The following CCDC13 variants were observed in gnomAD, a reference collection of about 807,000 sequenced individuals.
The protein encoded by CCDC13 is coiled-coil domain containing 13.
In CCDC13, 70 loss-of-function variants were observed where a neutral mutation model predicts 87.3. The observed-to-expected ratio is 0.80, with a 90% CI of 0.66 to 0.98. The LOEUF (loss-of-function observed/expected upper bound fraction) is 0.98. CCDC13 is among the 50% of genes least tolerant of loss of function. The pLI, the probability that CCDC13 is intolerant of heterozygous loss-of-function variation, is 0.00. For missense variants in CCDC13, 842 were observed against 892.0 expected (o/e 0.94, Z 0.71); for synonymous variants, 317 against 360.3 (o/e 0.88, Z 1.36).
intron 13 of CCDC13, among the ~76,000 whole-genome samples, chr3:42,720,711 G>C (rs1237705725): frequency 6.6e-6 from 1 of 152,184 alleles, no homozygotes; most frequent in Non-Finnish European, 1.5e-5. Context: ...GCAAGGGGTG[G>C]AAGGTTTGTG....
At chr3:42,770,049 C>G (rs529335384) in intron 1 of CCDC13, among the ~76,000 whole-genome samples, 1 of 152,254 alleles carries the variant, frequency 6.6e-6, no homozygotes, top group African/African-American at 2.4e-5. Flanking sequence ...CTGAGGAGTG[C>G]GGGCACACAG....
At chr3:42,727,537 A>G (rs1698718634) in intron 13 of CCDC13, among the ~76,000 whole-genome samples, 1 of 152,208 alleles carries the variant, frequency 6.6e-6, no homozygotes, top group African/African-American at 2.4e-5. Flanking sequence ...GTGAGTGAAG[A>G]CATTTTCAAA....
chr3:42,732,718 A>G, intron 12 of CCDC13, 169 bp downstream of exon 12: 1 of 613,478 alleles, frequency 1.6e-6, no homozygotes, highest in Non-Finnish European at 2.9e-6. Flanking sequence ...TGCTTACTCT[A>G]TCATCTTGGA....
At chr3:42,724,914 A>G (rs1208370991) in intron 13 of CCDC13, among the ~76,000 whole-genome samples, 1 of 152,248 alleles carries the variant, frequency 6.6e-6, no homozygotes, top group Non-Finnish European at 1.5e-5. Flanking sequence ...CTTCATGAAG[A>G]CAAACATACA....
chr3:42,753,275 A>G (rs1699629749), intron 3 of CCDC13, among the ~76,000 whole-genome samples: 1 of 152,248 alleles, frequency 6.6e-6, no homozygotes, highest in Admixed American at 6.5e-5. Flanking sequence ...GACATGTTGA[A>G]CAAAGTGGAA....
At chr3:42,722,761 C>T (rs1240937979) in intron 13 of CCDC13, among the ~76,000 whole-genome samples, 1 of 150,852 alleles carries the variant, frequency 6.6e-6, no homozygotes, top group Non-Finnish European at 1.5e-5. Flanking sequence ...ACTGCTGTGC[C>T]TGTGGAGTAG....
intron 15 of CCDC13, 131 bp from the exon 16 acceptor site, chr3:42,709,270 C>T (rs1005655840): frequency 2.3e-6 from 2 of 873,232 alleles, no homozygotes; most frequent in African/African-American, 3.4e-5. Context: ...GACCCATCCC[C>T]TCCTCTCACT....
chr3:42,748,935 T>C (rs1420876120), intron 5 of CCDC13, among the ~76,000 whole-genome samples: 1 of 152,082 alleles, frequency 6.6e-6, no homozygotes, highest in Non-Finnish European at 1.5e-5. Context: ...TTTGTATATT[T>C]TTTAGTAGAG....
chr3:42,756,323 T>C (rs1308477999), intron 3 of CCDC13, among the ~76,000 whole-genome samples: 1 of 152,160 alleles, frequency 6.6e-6, no homozygotes, highest in Non-Finnish European at 1.5e-5. Context: ...GTCAAACTCA[T>C]AACCACAGAG....
chr3:42,745,154 G>A (rs561313255), intron 7 of CCDC13: 1 of 152,322 alleles, frequency 6.6e-6, no homozygotes, highest in African/African-American at 2.4e-5. Context: ...AAGTCCCTGG[G>A]AACAAGGGTG....
chr3:42,736,278 C>T (rs150903888), intron 9 of CCDC13, among the ~76,000 whole-genome samples: 3,498 of 152,272 alleles, frequency 0.023, 75 homozygotes, highest in South Asian at 0.086. Flanking sequence ...GAGGCAGTAC[C>T]TGGACCCCTG....
chr3:42,758,868 A>C (rs1008524031), intron 1 of CCDC13, among the ~76,000 whole-genome samples: 1 of 152,130 alleles, frequency 6.6e-6, no homozygotes, highest in African/African-American at 2.4e-5. Context: ...GACCACCCAG[A>C]TCAAGGTACA....
chr3:42,730,597 CAGGGTGG>C lies in CCDC13; in HGVS notation c.1596-15_1596-9del, dbSNP rs1167291166. ...TCTGGGGAGTCCGAGAACCTGGGAC[CAGGGTGG>C]AGGGCAGAGGGCAGAGGTCATCCGA... On this transcript the variant is annotated splice_polypyrimidine_tract_variant and intron_variant, in intron 12 of 15. Transcript: ENST00000310232. 6.2e-7 allele frequency: 1 copy of C among 1,613,778 alleles called. No homozygotes were observed. Among genetic ancestry groups the C allele is most frequent in the Non-Finnish European group, 8.5e-7 (1 of 1,179,778 alleles).
In CCDC13 at chr3:42,733,603, G is replaced by A. The variant is rs1298724722; in HGVS notation, c.1378C>T (p.Arg460Trp). 8.7e-6 allele frequency: 14 copies of A among 1,606,178 alleles called. No homozygotes were observed. The highest frequency in any genetic ancestry group is 4.4e-5 in the South Asian group (4 of 90,342). Residue 460 changes from arginine to tryptophan, a missense_variant, in exon 11 of 16, where the codon CGG becomes TGG. Coordinates refer to ENST00000310232, the MANE Select transcript of CCDC13 (RefSeq NM_144719.4). Reference sequence around the variant, plus strand: ...GACCCCTCACCCACTCCTTTATTCCGAAGATACTGTAGGAACAGATGTGGG... The same window carrying A: ...GACCCCTCACCCACTCCTTTATTCCAAAGATACTGTAGGAACAGATGTGGG... ...EIGQLNVHYL[R>W]NKGVGEGSSG...
intron 14 of CCDC13, among the ~76,000 whole-genome samples, chr3:42,710,455 T>C (rs1051119997): frequency 2.6e-5 from 4 of 152,088 alleles, no homozygotes; most frequent in African/African-American, 9.7e-5. Context: ...CCTGATGCCC[T>C]CATACCAGTG....
At chr3:42,718,321 C>A (rs1303654222) in intron 13 of CCDC13, among the ~76,000 whole-genome samples, 3 of 152,178 alleles carry the variant, frequency 2.0e-5, no homozygotes, top group Non-Finnish European at 2.9e-5. Flanking sequence ...ACAGATGCCA[C>A]GGCAATGCCA....
At chr3:42,724,786 A>C (rs1201049955) in intron 13 of CCDC13, among the ~76,000 whole-genome samples, 1 of 150,302 alleles carries the variant, frequency 6.7e-6, no homozygotes, top group Admixed American at 6.7e-5. Context: ...TTTTAATATT[A>C]AAAATTTTGC....
At chr3:42,755,636 G>C (rs1351300222) in intron 3 of CCDC13, among the ~76,000 whole-genome samples, 1 of 152,144 alleles carries the variant, frequency 6.6e-6, no homozygotes, top group Admixed American at 6.5e-5. Context: ...ACATAAATGG[G>C]CTTGTCAGAT....
At chr3:42,713,626 T>C (rs1698364075) in intron 13 of CCDC13, among the ~76,000 whole-genome samples, 1 of 152,260 alleles carries the variant, frequency 6.6e-6, no homozygotes, top group South Asian at 2.1e-4. Context: ...GATGCTTATG[T>C]TGCTATTTTT....
Sources: gnomAD v4.1 joint callset for allele counts (sites outside exome capture counted in the v4.1 genomes callset) on GRCh38, gnomAD v4.1.1 for gene constraint, MANE v1.5 for transcripts, NCBI Gene and HGNC (gene_info 2026-07-23, HGNC 2026-07-21) for gene names.